The following CNKSR3 variants were observed in gnomAD, a reference collection of about 807,000 sequenced individuals.
CNKSR3 encodes connector enhancer of kinase suppressor of ras 3.
In CNKSR3, 36 loss-of-function variants were observed where a neutral mutation model predicts 67.7. That is an observed-to-expected ratio of 0.53 (90% CI 0.41 to 0.70). The LOEUF is 0.70. Among genes scored for constraint, CNKSR3 ranks in the 30% least tolerant of loss-of-function variants. The probability of loss-of-function intolerance (pLI) is 0.00; values close to 1 mark genes in which losing one functional copy is unlikely to be tolerated. For synonymous variants in CNKSR3, 281 were observed against 271.4 expected (o/e 1.04, Z -0.35); for missense variants, 630 against 695.2 (o/e 0.91, Z 1.05).
chr6:154,418,737 A>G (rs1785073466), intron 9 of CNKSR3, among the ~76,000 whole-genome samples: 1 of 152,218 alleles, frequency 6.6e-6, no homozygotes, highest in Non-Finnish European at 1.5e-5. Context: ...AGTATAATCA[A>G]TAGGCTCAGT....
At chr6:154,445,057 AC>A in intron 2 of CNKSR3, among the ~76,000 whole-genome samples, 1 of 152,318 alleles carries the variant, frequency 6.6e-6, no homozygotes, top group East Asian at 1.9e-4. Context: ...GTTAAAAACA[AC>A]AACAAAAGGC....
At chr6:154,422,257 C>T (rs1013720449) in intron 9 of CNKSR3, among the ~76,000 whole-genome samples, 5 of 152,206 alleles carry the variant, frequency 3.3e-5, no homozygotes, top group Non-Finnish European at 5.9e-5. Context: ...CTCCCAAGTG[C>T]TGGGATTACA....
At chr6:154,448,434 CAAAAAAA>C (rs56872694) in intron 2 of CNKSR3, among the ~76,000 whole-genome samples, 1 of 121,768 alleles carries the variant, frequency 8.2e-6, no homozygotes, top group African/African-American at 3.1e-5. Flanking sequence ...CACGTTTGTA[CAAAAAAA>C]AAAAAAAAAG....
In CNKSR3 at chr6:154,403,693, G is replaced by A. The variant is rs537394229; in HGVS notation, c.*2661C>T. The stretch of plus-strand genomic sequence containing the variant: ...AAAGATGAAGCTGTGGAGGGTGACT[G>A]CAAGTAGAGGAGCCAGGAACTTCTC... On this transcript the variant is annotated 3_prime_UTR_variant, in exon 13 of 13. Transcript: ENST00000607772. 7.2e-5 allele frequency: 11 copies of A among 152,116 alleles called. No individual in the cohort carries two copies. Among genetic ancestry groups the A allele is most frequent in the African/African-American group, 2.7e-4 (11 of 41,484 alleles). The allele number at this position is 152,116 out of a possible 1,614,324, so 9.4% of individuals were successfully genotyped here. A position where few individuals can be genotyped will look rare whatever the true frequency, so the allele number is the denominator to read the frequency against.
chr6:154,483,644 T>C (rs1216539622), intron 1 of CNKSR3, among the ~76,000 whole-genome samples: 1 of 152,144 alleles, frequency 6.6e-6, no homozygotes, highest in Non-Finnish European at 1.5e-5. Context: ...GCCTTATTAT[T>C]TTTTATTTTT....
chr6:154,416,252 C>T (rs866786713), intron 9 of CNKSR3, among the ~76,000 whole-genome samples: 1 of 152,298 alleles, frequency 6.6e-6, no homozygotes, highest in Middle Eastern at 3.4e-3. Flanking sequence ...TGTGACGGAG[C>T]TAGACATGGC....
chr6:154,423,088 T>C (rs1280262147), intron 7 of CNKSR3, 105 bp from the exon 8 acceptor site: 7 of 756,478 alleles, frequency 9.3e-6, no homozygotes, highest in Non-Finnish European at 1.5e-5. Flanking sequence ...GAAATAACAT[T>C]TTCTCAGGAA....
chr6:154,472,732 T>C (rs983652200), intron 1 of CNKSR3, among the ~76,000 whole-genome samples: 4 of 151,670 alleles, frequency 2.6e-5, no homozygotes, highest in African/African-American at 9.7e-5. Flanking sequence ...GTCAAAATTG[T>C]ATAAATTTTT....
In CNKSR3 at chr6:154,400,793, C is replaced by T. The variant is rs1784708011; in HGVS notation, c.*5561G>A. The T allele has an allele frequency of 2.0e-5, 3 of 152,166 alleles. No homozygotes were observed. Among genetic ancestry groups the T allele is most frequent in the Admixed American group, 2.0e-4 (3 of 15,274 alleles). 9.4% of individuals were successfully genotyped at this position (152,166 alleles called of 1,614,324 possible). ...AGGTACCCTTTGTCAAATTAGCACA[C>T]TTCTGGCAATAATTCTGGCCCCAAA... On this transcript the variant is annotated 3_prime_UTR_variant, in exon 13 of 13. Transcript: ENST00000607772.
intron 4 of CNKSR3, among the ~76,000 whole-genome samples, chr6:154,440,831 G>A (rs1202480298): frequency 6.6e-6 from 1 of 152,142 alleles, no homozygotes; most frequent in Non-Finnish European, 1.5e-5. Flanking sequence ...GCTAAGGTTT[G>A]AGGTTTGGGG....
rs964481323 is a variant in CNKSR3 at position 154,457,887 on chromosome 6, A to C, written c.53-7629T>G. On this transcript the variant is annotated intron_variant, in intron 1 of 12. Coordinates refer to ENST00000607772, the MANE Select transcript of CNKSR3 (RefSeq NM_173515.4). ...CTCTTCCAAACCTCCCTGCAGTCCC[A>C]TCATCCTGTAACTCACCCTACTGGT... 5.9e-5 allele frequency among the ~76,000 whole-genome samples: 9 copies of C among 152,296 alleles called. 1 individual carries two copies. Among genetic ancestry groups the C allele is most frequent in the Admixed American group, 2.0e-4 (3 of 15,294 alleles).
chr6:154,435,380 C>G (rs1785450631), intron 4 of CNKSR3, among the ~76,000 whole-genome samples: 1 of 152,096 alleles, frequency 6.6e-6, no homozygotes, highest in South Asian at 2.1e-4. Context: ...ACACCAGAGC[C>G]CAAGAACAAG....
intron 1 of CNKSR3, among the ~76,000 whole-genome samples, chr6:154,484,716 GAT>G (rs1786633443): frequency 7.9e-6 from 1 of 127,132 alleles, no homozygotes; most frequent in African/African-American, 3.5e-5. Flanking sequence ...AAAAAAAAAA[GAT>G]ACTCCTTGTC....
rs1362675888 is a variant in CNKSR3 at position 154,392,096 on chromosome 6, G to T, written c.*14258C>A. On this transcript the variant is annotated 3_prime_UTR_variant, in exon 13 of 13. Coordinates refer to ENST00000607772, the MANE Select transcript of CNKSR3 (RefSeq NM_173515.4). The stretch of plus-strand genomic sequence containing the variant: ...GTGGTGGTGCGCACCTGTAGTCCCA[G>T]CTACTCGGGCAGCTGAGGCAGGAGA... 2.0e-5 allele frequency: 3 copies of T among 151,982 alleles called. No individual in the cohort carries two copies. The highest frequency in any genetic ancestry group is 4.4e-5 in the Non-Finnish European group (3 of 68,084). 9.4% of individuals were successfully genotyped at this position (151,982 alleles called of 1,614,324 possible).
chr6:154,469,888 A>G lies in CNKSR3; in HGVS notation c.53-19630T>C, dbSNP rs7767904. On this transcript the variant is annotated intron_variant, in intron 1 of 12. Transcript: ENST00000607772. ...GATAACATAAAGTCTATTAACACAC[A>G]GATTTATATCTACATATATTTTATG... Among the ~76,000 whole-genome samples the G allele has an allele frequency of 2.1e-3, 315 of 152,322 alleles. 1 individual carries two copies. The highest frequency in any genetic ancestry group is 7.3e-3 in the African/African-American group (302 of 41,572).
At chr6:154,454,117 AGAG>A in intron 1 of CNKSR3, among the ~76,000 whole-genome samples, 1 of 121,508 alleles carries the variant, frequency 8.2e-6, no homozygotes, top group African/African-American at 3.0e-5. Context: ...AGAGAGAGAG[AGAG>A]AGAGAGAGAG....
chr6:154,493,287 C>A (rs1476280999), intron 1 of CNKSR3, among the ~76,000 whole-genome samples: 3 of 152,184 alleles, frequency 2.0e-5, no homozygotes, highest in African/African-American at 7.2e-5. Context: ...CCCCACTCCT[C>A]CAAATCCACC....
intron 1 of CNKSR3, among the ~76,000 whole-genome samples, chr6:154,490,327 C>T (rs144383617): frequency 1.0e-3 from 158 of 152,090 alleles, no homozygotes; most frequent in African/African-American, 3.7e-3. Context: ...ACAGTGCCTG[C>T]CTGATAGAAT....
At chr6:154,433,032 G>A (rs1785401101) in intron 5 of CNKSR3, among the ~76,000 whole-genome samples, 1 of 152,182 alleles carries the variant, frequency 6.6e-6, no homozygotes, top group Non-Finnish European at 1.5e-5. Flanking sequence ...TATGTCAAAA[G>A]GAGGAAGTGA....
Sources: gnomAD v4.1 joint callset for allele counts (sites outside exome capture counted in the v4.1 genomes callset) on GRCh38, gnomAD v4.1.1 for gene constraint, MANE v1.5 for transcripts, NCBI Gene and HGNC (gene_info 2026-07-23, HGNC 2026-07-21) for gene names.